The following EHMT2 variants were observed in gnomAD, a reference collection of about 807,000 sequenced individuals.
EHMT2 encodes euchromatic histone lysine methyltransferase 2.
In EHMT2, 59 loss-of-function variants were observed where a neutral mutation model predicts 143.3. That is an observed-to-expected ratio of 0.41 (90% CI 0.33 to 0.51). EHMT2 has a LOEUF of 0.51. EHMT2 is among the 20% of genes least tolerant of loss of function. EHMT2 has a pLI of 0.18. For synonymous variants in EHMT2, 604 were observed against 651.5 expected (o/e 0.93, Z 1.11); for missense variants, 1,174 against 1,645.9 (o/e 0.71, Z 4.96).
At chr6:31,892,618 G>A (rs1765845715) in intron 6 of EHMT2, 56 bp from the exon 7 acceptor site, 13 of 1,612,750 alleles carry the variant, frequency 8.1e-6, no homozygotes, top group South Asian at 1.1e-5. Flanking sequence ...TTCTACTGAG[G>A]ATGGGATGCA....
chr6:31,886,416 G>A, intron 18 of EHMT2, 165 bp downstream of exon 18: 1 of 621,148 alleles, frequency 1.6e-6, no homozygotes, highest in Admixed American at 3.1e-5. Flanking sequence ...AAAGAAACGA[G>A]AAAGAAAAGA....
chr6:31,883,282 T>TCTCTA lies in EHMT2; in HGVS notation c.2994+79_2994+80insTAGAG. ...ACAGGGTAGGAGGTGAGGGACATGG[T>TCTCTA]CCCAGGGAGCTGGTTTATTGGAGGC... On this transcript the variant is annotated intron_variant, in intron 23 of 27. Transcript: ENST00000375537. The surrounding 1 kb of genome is among the most constrained non-coding windows in gnomAD (Gnocchi z 5.6). The TCTCTA allele has an allele frequency of 7.0e-7, 1 of 1,422,992 alleles. No individual in the cohort carries two copies. Among genetic ancestry groups the TCTCTA allele is most frequent in the Non-Finnish European group, 9.8e-7 (1 of 1,018,626 alleles). The allele number at this position is 1,422,992 out of a possible 1,614,324, so 88.1% of individuals were successfully genotyped here.
rs140758887 is a variant in EHMT2, at chr6:31,896,374, G to A, written c.471C>T (p.Ala157=). The A allele has an allele frequency of 3.1e-6, 5 of 1,612,876 alleles. No homozygotes were observed. In the African/African-American group the frequency reaches 6.7e-5, roughly 22 times the overall value. ...CAGACCCTGCTGCTGCAGCTCCCTG[G>A]GCTCCTGGCATACTCAGTAGCCTCA... The change falls in exon 4 of 28, where the codon GCC becomes GCT. Residue 157 remains alanine (A), a synonymous_variant. Transcript: ENST00000375537.
rs1029751395 is a variant in EHMT2 at position 31,881,596 on chromosome 6, G to A, written c.3198-504C>T. 3 of 184,740 alleles carry A rather than the reference G, an allele frequency of 1.6e-5. No individual in the cohort carries two copies. Among genetic ancestry groups the A allele is most frequent in the African/African-American group, 6.9e-5 (3 of 43,204 alleles). 11.4% of individuals were successfully genotyped at this position (184,740 alleles called of 1,614,324 possible). A position where few individuals can be genotyped will look rare whatever the true frequency, so the allele number is the denominator to read the frequency against. On this transcript the variant is annotated intron_variant, in intron 25 of 27. Transcript: ENST00000375537. The surrounding 1 kb of genome is among the most constrained non-coding windows in gnomAD (Gnocchi z 4.8). ...ATGGGAGATTCAGACACACGGAGAG[G>A]ACGTGGGTGGGAAGTGACTGTCAAG...
rs779562061 is a variant in EHMT2, at chr6:31,883,825, C to T, written c.2897G>A (p.Arg966His). Residue 966 changes from arginine to histidine, a missense_variant, in exon 22 of 28, where the codon CGC (arginine) becomes CAC (histidine). Coordinates refer to ENST00000375537, the Ensembl canonical transcript of EHMT2. This position sits in a 1 kb window ranked among gnomAD's most constrained non-coding sequence, Gnocchi z 5.6. ...ACTCACCTGCAGGTGGGTGATGTTG[C>T]GATCGATGTTCATGGTGGACGTCTC... 8 of 1,613,878 alleles carry T rather than the reference C, an allele frequency of 5.0e-6. No homozygotes were observed. Among genetic ancestry groups the T allele is most frequent in the East Asian group, 2.2e-5 (1 of 44,862 alleles).
chr6:31,883,565 G>C lies in EHMT2; in HGVS notation c.2917-126C>G. The C allele has an allele frequency of 9.1e-7, 1 of 1,092,980 alleles. No homozygotes were observed. Among genetic ancestry groups the C allele is most frequent in the Non-Finnish European group, 1.4e-6 (1 of 736,890 alleles). The allele number at this position is 1,092,980 out of a possible 1,614,324, so 67.7% of individuals were successfully genotyped here. On this transcript the variant is annotated intron_variant, in intron 22 of 27. Coordinates refer to ENST00000375537, the Ensembl canonical transcript of EHMT2. The surrounding 1 kb of genome is among the most constrained non-coding windows in gnomAD (Gnocchi z 5.6). ...TCCATGTGTTACAACAGTGGGTGGT[G>C]ATGGTCCTAGGGTGACGGGTAATCA... is the stretch of plus-strand genomic sequence containing the variant.
At chr6:31,882,633 C>T (rs990687011) in intron 25 of EHMT2, 66 bp downstream of exon 25, 1 of 1,479,350 alleles carries the variant, frequency 6.8e-7, no homozygotes, top group African/African-American at 1.4e-5. Context: ...GAGAGGGAGG[C>T]CTGGCAGTCA....
In EHMT2 at chr6:31,883,621, C is replaced by T; in HGVS notation, c.2917-182G>A. The T allele has an allele frequency of 9.8e-7, 1 of 1,020,894 alleles. No homozygotes were observed. The allele number at this position is 1,020,894 out of a possible 1,614,324, so 63.2% of individuals were successfully genotyped here. A position where few individuals can be genotyped will look rare whatever the true frequency, so the allele number is the denominator to read the frequency against. On this transcript the variant is annotated intron_variant, in intron 22 of 27. Coordinates refer to ENST00000375537, the Ensembl canonical transcript of EHMT2. This position sits in a 1 kb window ranked among gnomAD's most constrained non-coding sequence, Gnocchi z 5.6. ...GTGGTGTCCCCAGGGCTACTGGGAG[C>T]TCATATGATACCTTGCTGTGACCTA... is the stretch of plus-strand genomic sequence containing the variant.
chr6:31,895,110 C>T (rs1766212687), intron 4 of EHMT2, among the ~76,000 whole-genome samples: 1 of 152,152 alleles, frequency 6.6e-6, no homozygotes, highest in Non-Finnish European at 1.5e-5. Flanking sequence ...TCATAGCAAC[C>T]TGTGCTATGT....
chr6:31,888,820 ACTCC>A lies in EHMT2; in HGVS notation c.1217-77_1217-74del. On this transcript the variant is annotated intron_variant, in intron 10 of 27. Transcript: ENST00000375537. This position sits in a 1 kb window ranked among gnomAD's most constrained non-coding sequence, Gnocchi z 7.4. Reference sequence around the variant, plus strand: ...ACTGGGACCCCTGGCGGGTCCTCTCACTCCCTCCCTACCCCACCCCGCCATGCCC... The same window carrying A: ...ACTGGGACCCCTGGCGGGTCCTCTCACTCCCTACCCCACCCCGCCATGCCC... 8 of 1,564,122 alleles carry A rather than the reference ACTCC, an allele frequency of 5.1e-6. No individual in the cohort carries two copies. The highest frequency in any genetic ancestry group is 6.9e-6 in the Non-Finnish European group (8 of 1,155,524).
In EHMT2 at chr6:31,889,906, G is replaced by A. The variant is rs1211100759; in HGVS notation, c.865-304C>T. ...ACCCCTTTTATGATGTTCATAAACA[G>A]GCAAGACCACCAATGGTTGCTAAAA... On this transcript the variant is annotated intron_variant, in intron 7 of 27. Coordinates refer to ENST00000375537, the Ensembl canonical transcript of EHMT2. The surrounding 1 kb of genome is among the most constrained non-coding windows in gnomAD (Gnocchi z 5.1). 1.3e-5 allele frequency among the ~76,000 whole-genome samples: 2 copies of A among 152,178 alleles called. No individual in the cohort carries two copies. The highest frequency in any genetic ancestry group is 6.5e-5 in the Admixed American group (1 of 15,282).
chr6:31,897,042 G>C, intron 1 of EHMT2, 53 bp from the exon 2 acceptor site: 1 of 1,518,736 alleles, frequency 6.6e-7, no homozygotes, highest in Non-Finnish European at 8.8e-7. Context: ...AGAGAGTTGG[G>C]GGGTCCAGGA....
At position 31,881,836 on chromosome 6, in the gene EHMT2, G is replaced by A. The variant is rs1764144311; in HGVS notation, c.3198-744C>T. Among the ~76,000 whole-genome samples the A allele has an allele frequency of 6.6e-6, 1 of 152,232 alleles. No homozygotes were observed. Among genetic ancestry groups the A allele is most frequent in the Non-Finnish European group, 1.5e-5 (1 of 68,042 alleles). On this transcript the variant is annotated intron_variant, in intron 25 of 27. Coordinates refer to ENST00000375537, the Ensembl canonical transcript of EHMT2. This position sits in a 1 kb window ranked among gnomAD's most constrained non-coding sequence, Gnocchi z 4.8. Reference sequence around the variant, plus strand: ...GGCCAAAGAATGGTCAGGCACGGTGGCTCACGCCTGTAATCCCAGCACTTT... The same window carrying A: ...GGCCAAAGAATGGTCAGGCACGGTGACTCACGCCTGTAATCCCAGCACTTT...
chr6:31,882,282 C>T (rs1239596827), intron 25 of EHMT2, among the ~76,000 whole-genome samples: 4 of 152,210 alleles, frequency 2.6e-5, no homozygotes, highest in Middle Eastern at 3.4e-3. Context: ...TTATCACCTC[C>T]ACTCTACAGA....
In EHMT2 at chr6:31,896,808, C is replaced by T. The variant is rs1766535173; in HGVS notation, c.126G>A (p.Gly42=). 3 of 1,612,978 alleles carry T rather than the reference C, an allele frequency of 1.9e-6. No individual in the cohort carries two copies. In the East Asian group the frequency reaches 6.7e-5, roughly 36 times the overall value. Residue 42 remains glycine, a synonymous_variant, in exon 3 of 28, where the codon GGG becomes GGA. Coordinates refer to ENST00000375537, the Ensembl canonical transcript of EHMT2. Reference sequence around the variant, plus strand: ...GGGTTTCTTCACTACGAGGGGTGTCCCCCAAAGAGCCATGAACTGTAGAGG... The same window carrying T: ...GGGTTTCTTCACTACGAGGGGTGTCTCCCAAAGAGCCATGAACTGTAGAGG...
intron 4 of EHMT2, among the ~76,000 whole-genome samples, chr6:31,894,574 G>A (rs879866633): frequency 7.2e-5 from 11 of 152,162 alleles, no homozygotes; most frequent in Admixed American, 5.9e-4. Context: ...GAGCCACTGC[G>A]CCTGGCCTAA....
chr6:31,896,285 A>G, exon 4 of EHMT2: 1 of 1,612,324 alleles, frequency 6.2e-7, no homozygotes, highest in Non-Finnish European at 8.5e-7. Context: ...TGGTTTGGAC[A>G]TGGTTTTGCG....
At chr6:31,897,427 C>G (rs947545465) in intron 1 of EHMT2, among the ~76,000 whole-genome samples, 1 of 150,812 alleles carries the variant, frequency 6.6e-6, no homozygotes, top group African/African-American at 2.4e-5. Context: ...TCAGGGGCAG[C>G]CGGCGGCTGC....
Position 31,889,525 on chromosome 6 carries a change from C to T in EHMT2, c.942G>A (p.Glu314=), listed in dbSNP as rs755384029. 5 of 1,611,650 alleles carry T rather than the reference C, an allele frequency of 3.1e-6. No individual in the cohort carries two copies. The African/African-American group carries it at 5.3e-5, about 17-fold the overall frequency. ...CCTCTTCTTCTTCCTCTTCCTCCTC[C>T]TCTTCCTCTTCTTCTTCTTCCTCCT... The change falls in exon 8 of 28, where the codon GAG becomes GAA. Residue 314 remains glutamate (E), a synonymous_variant. Transcript: ENST00000375537. This position sits in a 1 kb window ranked among gnomAD's most constrained non-coding sequence, Gnocchi z 5.1.
Sources: allele counts gnomAD v4.1 joint callset (sites outside exome capture counted in the v4.1 genomes callset), GRCh38; gene constraint gnomAD v4.1.1; non-coding constraint Gnocchi (gnomAD v3.1); transcripts MANE v1.5; gene names NCBI Gene and HGNC (gene_info 2026-07-23, HGNC 2026-07-21).